The following ERFL variants were observed in gnomAD, a reference collection of about 807,000 sequenced individuals.
ERFL encodes ETS domain-containing transcription factor ERF-like.
A neutral mutation model predicts 27.9 loss-of-function variants in ERFL; 8 were observed. That is an observed-to-expected ratio of 0.29 (90% CI 0.17 to 0.52). ERFL has a LOEUF of 0.52. Ranked by LOEUF, ERFL falls within the 20% of genes least tolerant of loss-of-function variation. The pLI is 0.97. For missense variants in ERFL, 294 were observed against 444.4 expected, an observed-to-expected ratio of 0.66 and a Z score of 3.04; for synonymous variants, 174 against 202.8, an observed-to-expected ratio of 0.86 and a Z score of 1.21.
rs782767991 is a variant in ERFL, at chr19:41,909,614, T to A, written c.303-143A>T. 8.3e-6 allele frequency: 7 copies of A among 848,246 alleles called. No homozygotes were observed. Among genetic ancestry groups the A allele is most frequent in the Non-Finnish European group, 1.2e-5 (7 of 574,850 alleles). The allele number at this position is 848,246 out of a possible 1,614,324, so 52.5% of individuals were successfully genotyped here. ...ACTGAGGCTCACAGAAGTCCCTTAA[T>A]AGGGATCACAGGGCAAGGAAGGGAT... is the stretch of plus-strand genomic sequence containing the variant. On this transcript the variant is annotated intron_variant, in intron 3 of 5. Transcript: ENST00000597630. This position sits in a 1 kb window ranked among gnomAD's most constrained non-coding sequence, Gnocchi z 5.2.
chr19:41,924,331 G>T (rs577271303), intron 1 of ERFL, among the ~76,000 whole-genome samples: 1 of 152,192 alleles, frequency 6.6e-6, no homozygotes, highest in South Asian at 2.1e-4. Flanking sequence ...ACATCTACCT[G>T]TTTCTGGGAC....
Position 41,921,757 on chromosome 19 carries a change from G to C in ERFL, c.-14+6283C>G, listed in dbSNP as rs544936613. Among the ~76,000 whole-genome samples, 53 of 151,704 alleles carry C rather than the reference G, an allele frequency of 3.5e-4. No homozygotes were observed. The highest frequency in any genetic ancestry group is 1.2e-3 in the African/African-American group (50 of 41,334). ...GAGTGGAAGGCTCAGGTGTAGGCCGGGTGGCGGGCAGACCTAAGGTGTGGA... is the reference window on the plus strand; with the variant it reads ...GAGTGGAAGGCTCAGGTGTAGGCCGCGTGGCGGGCAGACCTAAGGTGTGGA... On this transcript the variant is annotated intron_variant, in intron 1 of 5. Transcript: ENST00000597630. This position sits in a 1 kb window ranked among gnomAD's most constrained non-coding sequence, Gnocchi z 4.4.
chr19:41,913,003 C>G (rs1265034890), intron 1 of ERFL, 71 bp from the exon 2 acceptor site: 3 of 690,498 alleles, frequency 4.3e-6, no homozygotes, highest in Non-Finnish European at 6.1e-6. Flanking sequence ...GCCAGCGGGG[C>G]GCTGCCCGGG....
At chr19:41,920,022 G>GTAA (rs2074829393) in intron 1 of ERFL, among the ~76,000 whole-genome samples, 1 of 101,114 alleles carries the variant, frequency 9.9e-6, no homozygotes, top group Non-Finnish European at 1.9e-5. Context: ...CAGACATGAC[G>GTAA]CGCTCACAGA....
chr19:41,914,235 C>A (rs1386494097), intron 1 of ERFL, among the ~76,000 whole-genome samples: 2 of 151,348 alleles, frequency 1.3e-5, no homozygotes, highest in Non-Finnish European at 2.9e-5. Context: ...ACCTGTCTCC[C>A]CGTCTTTCTC....
chr19:41,926,648 G>A (rs1000236192), intron 1 of ERFL, among the ~76,000 whole-genome samples: 7 of 152,100 alleles, frequency 4.6e-5, no homozygotes, highest in Admixed American at 6.5e-5. Flanking sequence ...CTGGCCTGCC[G>A]GGCAGCCAGG....
At chr19:41,919,064 A>G (rs2074821739) in intron 1 of ERFL, among the ~76,000 whole-genome samples, 1 of 151,290 alleles carries the variant, frequency 6.6e-6, no homozygotes, top group African/African-American at 2.4e-5. Context: ...CACTGCATAC[A>G]CACACCCACA....
chr19:41,923,027 G>A (rs2074851145), intron 1 of ERFL: 4 of 405,182 alleles, frequency 9.9e-6, no homozygotes, highest in South Asian at 7.3e-5. Context: ...GGCGGGAGGG[G>A]GCTGGGGGAA....
chr19:41,926,257 AG>A (rs2074869909), intron 1 of ERFL, among the ~76,000 whole-genome samples: 1 of 151,266 alleles, frequency 6.6e-6, no homozygotes, highest in South Asian at 2.1e-4. Context: ...GGCAGGTGTG[AG>A]GGGGACAAGT....
At chr19:41,913,770 G>A (rs1599673331) in intron 1 of ERFL, among the ~76,000 whole-genome samples, 1 of 83,272 alleles carries the variant, frequency 1.2e-5, no homozygotes. Context: ...CAGTCTCCCC[G>A]CACCTTTCCC....
intron 1 of ERFL, among the ~76,000 whole-genome samples, chr19:41,926,780 C>A (rs1465677132): frequency 1.3e-5 from 2 of 152,212 alleles, no homozygotes; most frequent in Non-Finnish European, 2.9e-5. Flanking sequence ...CTCTTAATCT[C>A]CAGAGCGACC....
chr19:41,912,086 C>T lies in ERFL; in HGVS notation c.67+767G>A, dbSNP rs1455469019. On this transcript the variant is annotated intron_variant, in intron 2 of 5. Coordinates refer to ENST00000597630, the MANE Select transcript of ERFL (RefSeq NM_001365103.2). ...CACCCCACTCAGGCAGAGGCACAGT[C>T]GGAGAGCTGGCAGACGCCCCCATCC... 4.6e-5 allele frequency among the ~76,000 whole-genome samples: 7 copies of T among 152,120 alleles called. No individual in the cohort carries two copies. The South Asian group carries it at 8.3e-4, about 18-fold the overall frequency.
At chr19:41,915,542 T>A (rs949884060) in intron 1 of ERFL, among the ~76,000 whole-genome samples, 2 of 151,514 alleles carry the variant, frequency 1.3e-5, no homozygotes, top group Non-Finnish European at 2.9e-5. Context: ...ATGTCTAGGG[T>A]CTCCACACCC....
At chr19:41,926,682 C>T (rs1599682561) in intron 1 of ERFL, among the ~76,000 whole-genome samples, 1 of 150,412 alleles carries the variant, frequency 6.6e-6, no homozygotes, top group East Asian at 2.0e-4. Flanking sequence ...CTTGGCGATG[C>T]GGAGCGCGTC....
chr19:41,922,586 G>A (rs1004081445), intron 1 of ERFL, among the ~76,000 whole-genome samples: 6 of 152,078 alleles, frequency 3.9e-5, no homozygotes, highest in Non-Finnish European at 7.4e-5. Flanking sequence ...AGAGAACTGG[G>A]AACCGGAGAG....
At chr19:41,912,370 G>T (rs2074757798) in intron 2 of ERFL, among the ~76,000 whole-genome samples, 1 of 152,182 alleles carries the variant, frequency 6.6e-6, no homozygotes, top group African/African-American at 2.4e-5. Context: ...CAGCTTCACC[G>T]TCCACCAACC....
At chr19:41,925,519 G>A (rs1007794961) in intron 1 of ERFL, among the ~76,000 whole-genome samples, 1 of 152,166 alleles carries the variant, frequency 6.6e-6, no homozygotes, top group African/African-American at 2.4e-5. Flanking sequence ...AGACACAGGT[G>A]AGCAAGTGTA....
At position 41,916,992 on chromosome 19, in the gene ERFL, A is replaced by G. The variant is rs73550632; in HGVS notation, c.-13-4060T>C. ...CTGTCCCTCCATCTGTGAACTTCCC[A>G]AGCATGTCTCTGCATGGGTGTGTGT... On this transcript the variant is annotated intron_variant, in intron 1 of 5. Transcript: ENST00000597630. This position sits in a 1 kb window ranked among gnomAD's most constrained non-coding sequence, Gnocchi z 5.4. 0.27 allele frequency among the ~76,000 whole-genome samples: 40,276 copies of G among 151,648 alleles called. 11,477 individuals carry two copies. Among genetic ancestry groups the G allele is most frequent in the African/African-American group, 0.72 (29,700 of 41,168 alleles).
chr19:41,923,482 T>A (rs2074853157), intron 1 of ERFL, among the ~76,000 whole-genome samples: 1 of 148,404 alleles, frequency 6.7e-6, no homozygotes. Context: ...AAAGACAGGG[T>A]GAGACAGAGG....
Sources: allele counts gnomAD v4.1 joint callset (sites outside exome capture counted in the v4.1 genomes callset), GRCh38; gene constraint gnomAD v4.1.1; non-coding constraint Gnocchi (gnomAD v3.1); transcripts MANE v1.5; gene names NCBI Gene and HGNC (gene_info 2026-07-23, HGNC 2026-07-21).